The following FOXN2 variants were observed in gnomAD, a reference collection of about 807,000 sequenced individuals.
The protein encoded by FOXN2 is forkhead box protein N2.
FOXN2 carries 19 observed loss-of-function variants against 41.2 expected under a neutral mutation model. That is an observed-to-expected ratio of 0.46 (90% CI 0.32 to 0.68). The LOEUF (loss-of-function observed/expected upper bound fraction) is 0.68. Among genes scored for constraint, FOXN2 ranks in the 30% least tolerant of loss-of-function variants. The pLI is 0.03. For missense variants in FOXN2, 587 were observed against 509.4 expected (o/e 1.15, Z -1.47); for synonymous variants, 195 against 176.8 (o/e 1.10, Z -0.82).
intron 4 of FOXN2, among the ~76,000 whole-genome samples, chr2:48,361,221 C>T (rs1445401052): frequency 6.6e-6 from 1 of 152,084 alleles, no homozygotes; most frequent in Non-Finnish European, 1.5e-5. Flanking sequence ...AATCCCAGCA[C>T]TTTGGTAGGC....
At chr2:48,314,293 T>C (rs781033598), upstream of FOXN2, among the ~76,000 whole-genome samples, 3 of 152,224 alleles carry the variant, frequency 2.0e-5, no homozygotes, top group Admixed American at 6.5e-5. Context: ...GCGCCGCGCC[T>C]CCGCCGCACT....
At chr2:48,336,418 A>AAT (rs1553410431) in intron 2 of FOXN2, among the ~76,000 whole-genome samples, 2 of 147,366 alleles carry the variant, frequency 1.4e-5, no homozygotes, top group Admixed American at 6.7e-5. Flanking sequence ...CAAAAAAAAA[A>AAT]ATATATATAT....
chr2:48,365,363 T>C (rs911586473), intron 5 of FOXN2, among the ~76,000 whole-genome samples: 2 of 152,260 alleles, frequency 1.3e-5, no homozygotes, highest in Non-Finnish European at 2.9e-5. Flanking sequence ...GGTTTCTCTT[T>C]ACATTTAGGT....
Position 48,322,353 on chromosome 2 carries a change from C to G in FOXN2, c.-156-6208C>G, listed in dbSNP as rs546351006. ...AAAACCACACAAAACAAATGTGTAA[C>G]TTAGTGAATTATAAGGCTAGCACCT... On this transcript the variant is annotated intron_variant, in intron 1 of 6. Coordinates refer to ENST00000340553, the MANE Select transcript of FOXN2 (RefSeq NM_002158.4). Among the ~76,000 whole-genome samples, 62 of 152,140 alleles carry G rather than the reference C, an allele frequency of 4.1e-4. 1 individual carries two copies. The South Asian group carries it at 0.013, about 31-fold the overall frequency.
chr2:48,332,238 GT>G (rs1670062165), intron 2 of FOXN2, among the ~76,000 whole-genome samples: 1 of 152,010 alleles, frequency 6.6e-6, no homozygotes, highest in African/African-American at 2.4e-5. Flanking sequence ...TATTTTTATT[GT>G]TTATAAATTC....
Position 48,376,886 on chromosome 2 carries a change from A to ACATACATATACACATATGTACC in FOXN2, c.*1461_*1462insTACCCATACATATACACATATG, listed in dbSNP as rs1673288389. The ACATACATATACACATATGTACC allele has an allele frequency of 1.1e-4, 17 of 152,612 alleles. No homozygotes were observed. In the South Asian group the frequency reaches 3.5e-3, roughly 32 times the overall value. The allele number at this position is 152,612 out of a possible 1,614,324, so 9.5% of individuals were successfully genotyped here. A position where few individuals can be genotyped will look rare whatever the true frequency, so the allele number is the denominator to read the frequency against. Reference sequence around the variant, plus strand: ...TCTGATAGATTGTATACATATGTACACATACATATACACATATGCACAGTC... The same window carrying ACATACATATACACATATGTACC: ...TCTGATAGATTGTATACATATGTACACATACATATACACATATGTACCCATACATATACACATATGCACAGTC... On this transcript the variant is annotated 3_prime_UTR_variant, in exon 7 of 7. Transcript: ENST00000340553.
In FOXN2 at chr2:48,373,309, G is replaced by T; in HGVS notation, c.721G>T (p.Ala241Ser). ...RNLKESDIDA[A>S]AAMMLLNTSI... Reference sequence around the variant, plus strand: ...CTTTTCAGAATCTGATATTGATGCTGCTGCTGCAATGATGCTTTTAAATAC... The same window carrying T: ...CTTTTCAGAATCTGATATTGATGCTTCTGCTGCAATGATGCTTTTAAATAC... The change falls in exon 6 of 7, where the codon GCT becomes TCT. Residue 241 changes from alanine (A) to serine (S), a missense_variant. Ala to Ser is a moderately conservative substitution (Grantham distance 99, BLOSUM62 1). Coordinates refer to ENST00000340553, the MANE Select transcript of FOXN2 (RefSeq NM_002158.4). 6.3e-7 allele frequency: 1 copy of T among 1,591,930 alleles called. No homozygotes were observed. Among genetic ancestry groups the T allele is most frequent in the South Asian group, 1.1e-5 (1 of 88,182 alleles).
intron 3 of FOXN2, 91 bp downstream of exon 3, chr2:48,346,842 A>T: frequency 9.4e-7 from 1 of 1,060,554 alleles, no homozygotes; most frequent in Non-Finnish European, 1.3e-6. Context: ...GGGAGACAAT[A>T]AGTAGTCAAG....
At position 48,375,161 on chromosome 2, in the gene FOXN2, C is replaced by T. The variant is rs372325337; in HGVS notation, c.1014C>T (p.His338=). The change falls in exon 7 of 7, where the codon CAC becomes CAT. Residue 338 remains histidine, a synonymous_variant. Coordinates refer to ENST00000340553, the MANE Select transcript of FOXN2 (RefSeq NM_002158.4). ...ATGAATTTATCCCAAAGAATAGTCA[C>T]GTGGGAAGTGATGGCAGTGAAGGAT... ...EVYEFIPKNS[H]VGSDGSEGFH... 4.8e-5 allele frequency: 77 copies of T among 1,613,946 alleles called. No homozygotes were observed. Among genetic ancestry groups the T allele is most frequent in the African/African-American group, 1.5e-4 (11 of 74,876 alleles).
Position 48,346,592 on chromosome 2 carries a change from G to A in FOXN2, c.378G>A (p.Glu126=), listed in dbSNP as rs771062100. ...GTCTTCTCATTTATATGGCCATTGA[G>A]CACTCTCCAAATAAATGTTTGCCTG... ...SFSLLIYMAI[E]HSPNKCLPVK... is the part of the protein sequence containing the mutation. The change falls in exon 3 of 7, where the codon GAG becomes GAA. Residue 126 remains glutamate, a synonymous_variant. Coordinates refer to ENST00000340553, the MANE Select transcript of FOXN2 (RefSeq NM_002158.4). 1.2e-6 allele frequency: 2 copies of A among 1,613,994 alleles called. No individual in the cohort carries two copies. Among genetic ancestry groups the A allele is most frequent in the East Asian group, 4.5e-5 (2 of 44,886 alleles).
chr2:48,315,091 T>C (rs1668811111), intron 1 of FOXN2, among the ~76,000 whole-genome samples: 1 of 151,006 alleles, frequency 6.6e-6, no homozygotes, highest in Non-Finnish European at 1.5e-5. Context: ...TCCTGAGAGG[T>C]AATGACCGCC....
Position 48,314,687 on chromosome 2 carries a change from A to AGCT in FOXN2, c.-275_-273dup, listed in dbSNP as rs1668759429. ...GTGGTGCTGCCGGGGCCGCCACTGCAGCTGCTGCTGCCTGCTGGTTGCCGC... is the reference window on the plus strand; with the variant it reads ...GTGGTGCTGCCGGGGCCGCCACTGCAGCTGCTGCTGCTGCCTGCTGGTTGCCGC... On this transcript the variant is annotated 5_prime_UTR_variant, in exon 1 of 7. Coordinates refer to ENST00000340553, the MANE Select transcript of FOXN2 (RefSeq NM_002158.4). 6.5e-6 allele frequency: 1 copy of AGCT among 152,992 alleles called. No homozygotes were observed. The highest frequency in any genetic ancestry group is 1.5e-5 in the Non-Finnish European group (1 of 68,686). 9.5% of individuals were successfully genotyped at this position (152,992 alleles called of 1,614,324 possible). A position where few individuals can be genotyped will look rare whatever the true frequency, so the allele number is the denominator to read the frequency against.
intron 2 of FOXN2, among the ~76,000 whole-genome samples, chr2:48,338,634 CA>C (rs1408935037): frequency 6.6e-5 from 10 of 151,986 alleles, no homozygotes; most frequent in African/African-American, 2.2e-4. Context: ...CTCCTGACCT[CA>C]TGATCCGCCC....
chr2:48,331,124 T>C (rs1483005402), intron 2 of FOXN2, among the ~76,000 whole-genome samples: 2 of 152,194 alleles, frequency 1.3e-5, no homozygotes, highest in Admixed American at 6.5e-5. Flanking sequence ...AGGAAAGATA[T>C]TCAGTGACTG....
intron 4 of FOXN2, among the ~76,000 whole-genome samples, chr2:48,361,445 C>T (rs1308909858): frequency 1.4e-5 from 2 of 147,962 alleles, no homozygotes; most frequent in Non-Finnish European, 3.0e-5. Flanking sequence ...CCAGCCTGGG[C>T]GACAGAGCGA....
chr2:48,334,985 C>G (rs1670240064), intron 2 of FOXN2, among the ~76,000 whole-genome samples: 1 of 152,122 alleles, frequency 6.6e-6, no homozygotes, highest in South Asian at 2.1e-4. Flanking sequence ...TTAAAATGAT[C>G]CTGGGCTGTT....
chr2:48,341,073 G>T (rs1670733445), intron 2 of FOXN2, among the ~76,000 whole-genome samples: 3 of 151,966 alleles, frequency 2.0e-5, no homozygotes, highest in Non-Finnish European at 4.4e-5. Context: ...TACTATTTTG[G>T]CCTTTTTTTT....
intron 4 of FOXN2, among the ~76,000 whole-genome samples, chr2:48,362,088 G>A (rs1192507557): frequency 6.6e-6 from 1 of 152,118 alleles, no homozygotes; most frequent in Non-Finnish European, 1.5e-5. Context: ...TACAGATGAA[G>A]AAGCTAAGAG....
At chr2:48,341,647 C>T (rs1381137019) in intron 2 of FOXN2, among the ~76,000 whole-genome samples, 1 of 152,152 alleles carries the variant, frequency 6.6e-6, no homozygotes, top group Non-Finnish European at 1.5e-5. Flanking sequence ...AAGAAGAGCT[C>T]ATTAAACACT....
Sources: gnomAD v4.1 joint callset for allele counts (sites outside exome capture counted in the v4.1 genomes callset) on GRCh38, gnomAD v4.1.1 for gene constraint, MANE v1.5 for transcripts, NCBI Gene and HGNC (gene_info 2026-07-23, HGNC 2026-07-21) for gene names.